Variants in LRRC7 observed in about 807,000 individuals in gnomAD.
LRRC7 encodes leucine rich repeat containing 7.
A neutral mutation model predicts 175.7 loss-of-function variants in LRRC7; 23 were observed. The ratio of observed to expected loss-of-function variants is 0.13; its 90% CI spans 0.09 to 0.19. The LOEUF is 0.19. LRRC7 is among the 10% of genes least tolerant of loss of function. The probability of loss-of-function intolerance (pLI) is 1.00; values close to 1 mark genes in which losing one functional copy is unlikely to be tolerated. For missense variants in LRRC7, 1,354 were observed against 1,904.7 expected (o/e 0.71, Z 5.38); for synonymous variants, 685 against 680.9 (o/e 1.01, Z -0.09).
intron 15 of LRRC7, 36 bp downstream of exon 15, chr1:70,018,854 A>C (rs1201979148): frequency 8.9e-6 from 13 of 1,463,462 alleles, no homozygotes; most frequent in Non-Finnish European, 1.2e-5. Flanking sequence ...TCTACTTATA[A>C]TGATTATGGA....
chr1:70,025,414 G>A (rs1015864021), intron 17 of LRRC7, among the ~76,000 whole-genome samples: 9 of 151,700 alleles, frequency 5.9e-5, no homozygotes, highest in South Asian at 2.1e-4. Context: ...ATGTATAATT[G>A]AAAAAAGATC....
At chr1:70,085,837 G>A (rs1571283307) in intron 24 of LRRC7, among the ~76,000 whole-genome samples, 1 of 152,078 alleles carries the variant, frequency 6.6e-6, no homozygotes, top group Non-Finnish European at 1.5e-5. Context: ...TCATTAGAAT[G>A]TAAGTTCTTT....
chr1:70,036,036 T>C, intron 18 of LRRC7, 85 bp from the exon 19 acceptor site: 1 of 983,644 alleles, frequency 1.0e-6, no homozygotes, highest in Non-Finnish European at 1.5e-6. Flanking sequence ...CATTTTTTAA[T>C]CTGAGCCAAA....
chr1:69,982,876 C>T (rs1461284961), intron 9 of LRRC7, among the ~76,000 whole-genome samples: 10 of 152,150 alleles, frequency 6.6e-5, no homozygotes, highest in Non-Finnish European at 1.5e-5. Flanking sequence ...CCTTTACAGT[C>T]CTCAGGCTAT....
intron 7 of LRRC7, among the ~76,000 whole-genome samples, chr1:69,924,912 T>C (rs1450136711): frequency 6.6e-6 from 1 of 152,230 alleles, no homozygotes; most frequent in Non-Finnish European, 1.5e-5. Context: ...TTTTTGCCCA[T>C]TCAGTATGGT....
intron 7 of LRRC7, among the ~76,000 whole-genome samples, chr1:69,918,978 C>T (rs141353046): frequency 6.1e-4 from 92 of 152,054 alleles, no homozygotes; most frequent in Admixed American, 2.7e-3. Context: ...TATGGTTTCC[C>T]GGGCATGAAG....
chr1:69,966,556 T>C (rs974023355), intron 8 of LRRC7, among the ~76,000 whole-genome samples: 28 of 152,170 alleles, frequency 1.8e-4, no homozygotes, highest in Admixed American at 1.5e-3. Context: ...GTCAAATAAA[T>C]GGGTAGGAAT....
chr1:69,725,367 A>T (rs932155761), intron 2 of LRRC7, among the ~76,000 whole-genome samples: 3 of 152,154 alleles, frequency 2.0e-5, no homozygotes, highest in Non-Finnish European at 4.4e-5. Flanking sequence ...TCAAGGGTCA[A>T]CTGTACTAAC....
chr1:70,019,448 C>T (rs1657255616), intron 15 of LRRC7, among the ~76,000 whole-genome samples: 2 of 152,078 alleles, frequency 1.3e-5, no homozygotes, highest in South Asian at 2.1e-4. Flanking sequence ...AGCATAGGCT[C>T]CTTAGCCCAA....
chr1:69,698,142 G>T (rs1306203839), intron 2 of LRRC7, among the ~76,000 whole-genome samples: 1 of 152,164 alleles, frequency 6.6e-6, no homozygotes, highest in Non-Finnish European at 1.5e-5. Flanking sequence ...ATACTCCAGT[G>T]GCATTTATAA....
chr1:69,868,172 G>A (rs1426586473), intron 7 of LRRC7, among the ~76,000 whole-genome samples: 1 of 151,888 alleles, frequency 6.6e-6, no homozygotes, highest in East Asian at 1.9e-4. Context: ...TTTTAATGAT[G>A]GGACAATGCT....
chr1:69,929,847 A>T (rs569536123), intron 7 of LRRC7, among the ~76,000 whole-genome samples: 4 of 152,278 alleles, frequency 2.6e-5, no homozygotes, highest in African/African-American at 9.6e-5. Context: ...GTAAGATCGC[A>T]TATTATGCAA....
rs59312430 is a variant in LRRC7, at chr1:69,846,327, G to A, written c.647+8044G>A. On this transcript the variant is annotated intron_variant, in intron 7 of 26. Transcript: ENST00000651989. The stretch of plus-strand genomic sequence containing the variant: ...TATTATGGTTAGCTAAGGCTGTGGC[G>A]ACAATGGGAAGAGCTTGGAAGAGGT... Among the ~76,000 whole-genome samples, 1,481 of 152,168 alleles carry A rather than the reference G, an allele frequency of 9.7e-3. 19 individuals carry two copies. The highest frequency in any genetic ancestry group is 0.033 in the African/African-American group (1,388 of 41,526).
In LRRC7 at chr1:70,127,685, C is replaced by T. The variant is rs201926422; in HGVS notation, c.*5798C>T. Among the ~76,000 whole-genome samples, 2 of 152,308 alleles carry T rather than the reference C, an allele frequency of 1.3e-5. No individual in the cohort carries two copies. The highest frequency in any genetic ancestry group is 3.9e-4 in the East Asian group (2 of 5,178). ...AGGCATGCAGAAATGAGAAGGATAC[C>T]TCTGCAGCTCTGTCAATACTTCCAC... On this transcript the variant is annotated 3_prime_UTR_variant, in exon 27 of 27. Transcript: ENST00000651989.
chr1:69,912,126 T>A (rs1302248774), intron 7 of LRRC7, among the ~76,000 whole-genome samples: 1 of 152,096 alleles, frequency 6.6e-6, no homozygotes, highest in Non-Finnish European at 1.5e-5. Flanking sequence ...TCCATGAAGG[T>A]CATGGAACCA....
chr1:69,684,017 C>T (rs578196248), intron 2 of LRRC7, among the ~76,000 whole-genome samples: 3 of 152,128 alleles, frequency 2.0e-5, no homozygotes, highest in Admixed American at 6.5e-5. Flanking sequence ...GGAATCAGAA[C>T]AATTCAAACA....
intron 1 of LRRC7, among the ~76,000 whole-genome samples, chr1:69,648,719 C>A (rs547336718): frequency 6.6e-6 from 1 of 152,288 alleles, no homozygotes; most frequent in Admixed American, 6.5e-5. Flanking sequence ...CCAGCTCTTG[C>A]TACTCTCTGC....
chr1:69,763,874 A>G (rs1302145842), intron 3 of LRRC7, among the ~76,000 whole-genome samples: 19 of 152,052 alleles, frequency 1.2e-4, no homozygotes. Flanking sequence ...TATTCTTGAT[A>G]TTACATCAAG....
At chr1:70,030,236 C>A (rs752864404) in intron 18 of LRRC7, among the ~76,000 whole-genome samples, 3 of 152,266 alleles carry the variant, frequency 2.0e-5, no homozygotes, top group South Asian at 4.1e-4. Context: ...TCCTTAAAAA[C>A]ACTACAGTGA....
Sources: allele counts gnomAD v4.1 joint callset (sites outside exome capture counted in the v4.1 genomes callset), GRCh38; gene constraint gnomAD v4.1.1; transcripts MANE v1.5; gene names NCBI Gene and HGNC (gene_info 2026-07-23, HGNC 2026-07-21).